KCNIP4: variants seen among roughly 807,000 people sequenced by gnomAD.
KCNIP4 encodes potassium voltage-gated channel interacting protein 4, also known as Kv channel-interacting protein 4.
KCNIP4 carries 12 observed loss-of-function variants against 34.0 expected under a neutral mutation model. The observed-to-expected ratio is 0.35, with a 90% CI of 0.23 to 0.57. KCNIP4 has a LOEUF of 0.57. Among genes scored for constraint, KCNIP4 ranks in the 20% least tolerant of loss-of-function variants. The pLI, the probability that KCNIP4 is intolerant of heterozygous loss-of-function variation, is 0.83. For synonymous variants in KCNIP4, 124 were observed against 102.2 expected (o/e 1.21, Z -1.29); for missense variants, 238 against 311.7 (o/e 0.76, Z 1.78).
chr4:21,580,556 A>G (rs997978310), intron 1 of KCNIP4, among the ~76,000 whole-genome samples: 2 of 152,138 alleles, frequency 1.3e-5, no homozygotes, highest in Non-Finnish European at 2.9e-5. Context: ...TATTTGCCCA[A>G]GGGTGGCATG....
At chr4:21,395,542 C>G (rs1016185214) in intron 1 of KCNIP4, among the ~76,000 whole-genome samples, 1 of 151,924 alleles carries the variant, frequency 6.6e-6, no homozygotes, top group African/African-American at 2.4e-5. Context: ...AGCCTTTTTT[C>G]CCCCTTTAAT....
At chr4:21,805,811 A>T (rs1170624988) in intron 1 of KCNIP4, among the ~76,000 whole-genome samples, 1 of 152,158 alleles carries the variant, frequency 6.6e-6, no homozygotes, top group African/African-American at 2.4e-5. Flanking sequence ...TCACTTGAAC[A>T]CTTGAACCAT....
chr4:21,558,703 T>C (rs1420985968), intron 1 of KCNIP4, among the ~76,000 whole-genome samples: 1 of 151,994 alleles, frequency 6.6e-6, no homozygotes, highest in African/African-American at 2.4e-5. Flanking sequence ...ATGATCAAAG[T>C]GATGATTAAA....
At chr4:21,202,653 C>T (rs922013803) in intron 1 of KCNIP4, among the ~76,000 whole-genome samples, 1 of 152,196 alleles carries the variant, frequency 6.6e-6, no homozygotes, top group African/African-American at 2.4e-5. Context: ...AGAGCAGTGA[C>T]AGTCCAGGGT....
intron 1 of KCNIP4, among the ~76,000 whole-genome samples, chr4:21,683,416 G>GATC (rs957887729): frequency 3.4e-4 from 47 of 136,464 alleles, no homozygotes; most frequent in African/African-American, 1.2e-3. Context: ...ACTTGCCCGA[G>GATC]ATCATACGAC....
chr4:21,377,936 T>C (rs1721115991), intron 1 of KCNIP4, among the ~76,000 whole-genome samples: 2 of 152,192 alleles, frequency 1.3e-5, no homozygotes, highest in African/African-American at 2.4e-5. Flanking sequence ...GGTGTTTCAC[T>C]GGAAGATTGG....
chr4:20,841,809 T>G (rs1232131087), intron 3 of KCNIP4, among the ~76,000 whole-genome samples: 1 of 151,496 alleles, frequency 6.6e-6, no homozygotes, highest in African/African-American at 2.4e-5. Context: ...AGTTCCCCAC[T>G]ATCCTTAGAA....
chr4:21,029,328 C>T (rs1276661974), intron 1 of KCNIP4, among the ~76,000 whole-genome samples: 1 of 152,104 alleles, frequency 6.6e-6, no homozygotes, highest in Non-Finnish European at 1.5e-5. Flanking sequence ...TTGTTATATT[C>T]GTTCCTACCT....
At chr4:20,751,025 G>A (rs985770521) in intron 4 of KCNIP4, among the ~76,000 whole-genome samples, 8 of 152,106 alleles carry the variant, frequency 5.3e-5, no homozygotes, top group Admixed American at 2.0e-4. Context: ...TGGCTCTCAG[G>A]GCTCACGGCC....
intron 1 of KCNIP4, among the ~76,000 whole-genome samples, chr4:21,440,265 G>A (rs1388091311): frequency 6.6e-6 from 1 of 152,180 alleles, no homozygotes; most frequent in Non-Finnish European, 1.5e-5. Context: ...ATATTGGTGA[G>A]TAGAACCTTT....
intron 3 of KCNIP4, among the ~76,000 whole-genome samples, chr4:20,829,214 AT>A (rs11327516): frequency 0.98 from 145,841 of 149,360 alleles, 71,228 homozygotes; most frequent in Admixed American, 0.99. Flanking sequence ...TTTTTATTTT[AT>A]TTTTTTTTTT....
chr4:21,878,285 AG>A (rs1726256538), intron 1 of KCNIP4, among the ~76,000 whole-genome samples: 1 of 152,168 alleles, frequency 6.6e-6, no homozygotes. Flanking sequence ...CATGTTGGCC[AG>A]GCTGGTCTCT....
chr4:21,894,437 G>A (rs1727268339), intron 1 of KCNIP4, among the ~76,000 whole-genome samples: 1 of 152,014 alleles, frequency 6.6e-6, no homozygotes, highest in South Asian at 2.1e-4. Flanking sequence ...AATTAGGTAT[G>A]GTTCATTAAT....
chr4:21,517,727 T>C (rs555872412), intron 1 of KCNIP4, among the ~76,000 whole-genome samples: 2 of 152,262 alleles, frequency 1.3e-5, no homozygotes, highest in East Asian at 3.9e-4. Flanking sequence ...CAAGTACTTG[T>C]TGAAGAACTG....
intron 4 of KCNIP4, among the ~76,000 whole-genome samples, chr4:20,753,883 A>G (rs886251740): frequency 8.7e-5 from 13 of 149,522 alleles, no homozygotes; most frequent in Non-Finnish European, 1.8e-4. Flanking sequence ...TTATTGACAG[A>G]TTATTCTGAC....
rs150207468 is a variant in KCNIP4, at chr4:21,105,286, C to T, written c.62-222577G>A. Among the ~76,000 whole-genome samples the T allele has an allele frequency of 6.4e-4, 97 of 151,590 alleles. 3 individuals carry two copies. The highest frequency in any genetic ancestry group is 1.8e-3 in the African/African-American group (74 of 40,954). The stretch of plus-strand genomic sequence containing the variant: ...TTTTATTTCATTGAGCAGTGGTTTG[C>T]AGTTCTCCTTGAAGAGGTCCTTCAC... On this transcript the variant is annotated intron_variant, in intron 1 of 8. Transcript: ENST00000382152.
intron 1 of KCNIP4, among the ~76,000 whole-genome samples, chr4:21,454,661 T>C (rs1291530446): frequency 6.6e-6 from 1 of 152,124 alleles, no homozygotes; most frequent in Non-Finnish European, 1.5e-5. Context: ...ATTTTGCCAG[T>C]GCAACTAAGC....
chr4:21,012,853 G>A (rs1739180339), intron 1 of KCNIP4, among the ~76,000 whole-genome samples: 1 of 152,138 alleles, frequency 6.6e-6, no homozygotes, highest in Non-Finnish European at 1.5e-5. Context: ...TGACCAGTTG[G>A]CCATGATCTT....
chr4:21,213,707 A>G (rs758680244), intron 1 of KCNIP4, among the ~76,000 whole-genome samples: 4 of 152,102 alleles, frequency 2.6e-5, no homozygotes, highest in Admixed American at 1.3e-4. Context: ...ACCCAGCCCA[A>G]GTTATTTTCA....
Sources: allele counts gnomAD v4.1 joint callset (sites outside exome capture counted in the v4.1 genomes callset), GRCh38; gene constraint gnomAD v4.1.1; transcripts MANE v1.5; gene names NCBI Gene and HGNC (gene_info 2026-07-23, HGNC 2026-07-21).